Variants in PVT1 observed in about 807,000 individuals in gnomAD.
PVT1 encodes the protein Pvt1 oncogene, also known as CXCR4/PVT1 fusion.
chr8:127,829,246 C>T (rs546569676), intron 2 of PVT1, among the ~76,000 whole-genome samples: 1 of 152,268 alleles, frequency 6.6e-6, no homozygotes, highest in East Asian at 1.9e-4. Flanking sequence ...CATTGCACTC[C>T]AGCCTGGGCA....
intron 4 of PVT1, among the ~76,000 whole-genome samples, chr8:128,006,184 A>G (rs1005918853): frequency 1.3e-5 from 2 of 151,154 alleles, no homozygotes; most frequent in Admixed American, 6.6e-5. Flanking sequence ...GACTTCTCCA[A>G]GTTTAGAGTA....
At chr8:128,074,538 G>GT (rs1318843873) in intron 5 of PVT1, among the ~76,000 whole-genome samples, 6 of 151,008 alleles carry the variant, frequency 4.0e-5, no homozygotes, top group South Asian at 4.2e-4. Context: ...AAAAAAAAAG[G>GT]GGGGGGCTCC....
intron 4 of PVT1, among the ~76,000 whole-genome samples, chr8:128,065,532 T>C (rs1280138128): frequency 1.3e-5 from 2 of 152,166 alleles, no homozygotes; most frequent in Non-Finnish European, 2.9e-5. Flanking sequence ...TTTTTTTCCC[T>C]TTGGTCCCTA....
intron 3 of PVT1, among the ~76,000 whole-genome samples, chr8:127,915,690 G>C (rs993445150): frequency 6.6e-6 from 1 of 152,002 alleles, no homozygotes; most frequent in African/African-American, 2.4e-5. Context: ...TATAGAGATG[G>C]GATGGGTTCA....
chr8:127,867,142 G>A (rs764400561), intron 2 of PVT1, among the ~76,000 whole-genome samples: 3 of 152,348 alleles, frequency 2.0e-5, no homozygotes, highest in East Asian at 3.9e-4. Flanking sequence ...GGCCTTCCTC[G>A]GGCTTGCTTG....
intron 4 of PVT1, chr8:128,009,447 A>G (rs2130032896): frequency 6.6e-6 from 1 of 152,376 alleles, no homozygotes; most frequent in East Asian, 1.9e-4. Context: ...GTTAAATTGC[A>G]CCCAAAGGGG....
intron 2 of PVT1, among the ~76,000 whole-genome samples, chr8:127,826,431 T>C (rs1379575468): frequency 2.6e-5 from 4 of 152,136 alleles, no homozygotes; most frequent in African/African-American, 7.2e-5. Context: ...ACCTGCACTT[T>C]AGTTCTTCAG....
intron 4 of PVT1, among the ~76,000 whole-genome samples, chr8:128,056,976 A>G (rs1234124571): frequency 6.6e-6 from 1 of 152,180 alleles, no homozygotes; most frequent in Non-Finnish European, 1.5e-5. Flanking sequence ...ACACAGGGCC[A>G]GTTTCACATT....
chr8:127,850,242 G>A (rs1450461824), intron 2 of PVT1, among the ~76,000 whole-genome samples: 2 of 152,152 alleles, frequency 1.3e-5, no homozygotes, highest in Non-Finnish European at 2.9e-5. Context: ...CTCCCTTTAA[G>A]AGGACCTAGC....
intron 2 of PVT1, among the ~76,000 whole-genome samples, chr8:127,812,609 AAAG>A (rs993790063): frequency 1.4e-5 from 2 of 146,598 alleles, no homozygotes; most frequent in Admixed American, 6.7e-5. Flanking sequence ...GGAAGAAAAA[AAAG>A]AAGGAAAGGG....
intron 2 of PVT1, among the ~76,000 whole-genome samples, chr8:127,806,412 G>C (rs1359809814): frequency 5.9e-5 from 9 of 151,904 alleles, no homozygotes; most frequent in Non-Finnish European, 1.2e-4. Flanking sequence ...AGTGAACCCA[G>C]ATCTTGCCAC....
intron 3 of PVT1, among the ~76,000 whole-genome samples, chr8:127,950,074 ACTAAGT>A (rs1816487182): frequency 6.6e-6 from 1 of 152,252 alleles, no homozygotes; most frequent in Non-Finnish European, 1.5e-5. Context: ...TTGAGCACTT[ACTAAGT>A]GTCAGAGACT....
At chr8:127,905,502 T>G (rs1815808792) in intron 3 of PVT1, among the ~76,000 whole-genome samples, 1 of 152,226 alleles carries the variant, frequency 6.6e-6, no homozygotes, top group South Asian at 2.1e-4. Flanking sequence ...TTACAACAAC[T>G]TTGTAAGGTT....
At chr8:128,018,123 C>G (rs771999712) in intron 4 of PVT1, among the ~76,000 whole-genome samples, 1 of 152,026 alleles carries the variant, frequency 6.6e-6, no homozygotes, top group Non-Finnish European at 1.5e-5. Flanking sequence ...CCCTCCAGCA[C>G]GTGCACAGAA....
chr8:127,912,878 A>G (rs963573011), intron 3 of PVT1, among the ~76,000 whole-genome samples: 1 of 152,178 alleles, frequency 6.6e-6, no homozygotes, highest in African/African-American at 2.4e-5. Flanking sequence ...TTGGATTTTT[A>G]GTAGAAATGG....
intron 4 of PVT1, among the ~76,000 whole-genome samples, chr8:127,993,370 C>T (rs1005215100): frequency 6.6e-6 from 1 of 152,228 alleles, no homozygotes; most frequent in Non-Finnish European, 1.5e-5. Flanking sequence ...ATTTCTGAGT[C>T]TCTTTCAGTC....
intron 2 of PVT1, among the ~76,000 whole-genome samples, chr8:127,861,860 G>GA (rs1815232802): frequency 6.6e-6 from 1 of 152,202 alleles, no homozygotes; most frequent in Non-Finnish European, 1.5e-5. Flanking sequence ...CATCAGCCAA[G>GA]TCAGTCCTGC....
At chr8:127,807,499 T>A (rs1814541112) in intron 2 of PVT1, among the ~76,000 whole-genome samples, 1 of 150,774 alleles carries the variant, frequency 6.6e-6, no homozygotes, top group Admixed American at 6.6e-5. Context: ...ATGCCTGTAT[T>A]TTTTGTAGAG....
intron 3 of PVT1, among the ~76,000 whole-genome samples, chr8:127,895,624 A>T (rs1815665572): frequency 6.6e-6 from 1 of 152,236 alleles, no homozygotes; most frequent in South Asian, 2.1e-4. Context: ...TAAAATTTTA[A>T]AATGGGATTA....
Sources: gnomAD v4.1 joint callset for allele counts (sites outside exome capture counted in the v4.1 genomes callset) on GRCh38, gnomAD v4.1.1 for gene constraint, MANE v1.5 for transcripts, NCBI Gene and HGNC (gene_info 2026-07-23, HGNC 2026-07-21) for gene names.